CTR9: variants seen among roughly 807,000 people sequenced by gnomAD.
CTR9 encodes the protein RNA polymerase-associated protein CTR9 homolog.
CTR9 carries 41 observed loss-of-function variants against 152.1 expected under a neutral mutation model. That is an observed-to-expected ratio of 0.27 (90% CI 0.21 to 0.35). The LOEUF is 0.35. Among genes scored for constraint, CTR9 ranks in the 10% least tolerant of loss-of-function variants. CTR9 has a pLI of 1.00. For synonymous variants in CTR9, 476 were observed against 496.2 expected (o/e 0.96, Z 0.54); for missense variants, 917 against 1,424.4 (o/e 0.64, Z 5.73).
intron 1 of CTR9, 81 bp from the exon 2 acceptor site, chr11:10,752,591 A>G (rs1416479416): frequency 3.1e-6 from 3 of 973,930 alleles, no homozygotes; most frequent in East Asian, 4.8e-5. Flanking sequence ...ATGCATGTTG[A>G]TTATATTCAC....
chr11:10,751,794 TAC>T (rs1564963592), intron 1 of CTR9, among the ~76,000 whole-genome samples: 2 of 152,152 alleles, frequency 1.3e-5, no homozygotes, highest in African/African-American at 4.8e-5. Flanking sequence ...CCTCGCAGAT[TAC>T]AGAGGTGGGC....
At position 10,760,315 on chromosome 11, in the gene CTR9, T is replaced by C; in HGVS notation, c.735T>C (p.Asn245=). The change falls in exon 6 of 25, where the codon AAT becomes AAC. Residue 245 remains asparagine (N), a synonymous_variant. Transcript: ENST00000361367. ...GACTGGCTGTTCTAGAACTCAACAA[T>C]AAAGAGGTATGTAAATGAAAAAAGT... ...LVGLAVLELN[N]KEADSIKNGV... 6.2e-7 allele frequency: 1 copy of C among 1,612,724 alleles called. No individual in the cohort carries two copies. Among genetic ancestry groups the C allele is most frequent in the Non-Finnish European group, 8.5e-7 (1 of 1,179,134 alleles).
chr11:10,763,704 T>C lies in CTR9; in HGVS notation c.1019T>C (p.Phe340Ser). 6.2e-7 allele frequency: 1 copy of C among 1,614,134 alleles called. No homozygotes were observed. Among genetic ancestry groups the C allele is most frequent in the Non-Finnish European group, 8.5e-7 (1 of 1,180,018 alleles). The part of the protein sequence containing the change: ...YQATQFASSS[F>S]VLPFFGLGQM... ...GCCACACAGTTTGCCTCATCCTCTT[T>C]TGTGCTCCCATTTTTTGGTTTGGGA... The change falls in exon 9 of 25, where the codon TTT (phenylalanine) becomes TCT (serine). Residue 340 changes from phenylalanine (F) to serine (S), a missense_variant. Coordinates refer to ENST00000361367, the MANE Select transcript of CTR9 (RefSeq NM_014633.5).
At position 10,760,267 on chromosome 11, in the gene CTR9, C is replaced by T. The variant is rs765635542; in HGVS notation, c.687C>T (p.Ser229=). 3.1e-6 allele frequency: 5 copies of T among 1,613,916 alleles called. No homozygotes were observed. The East Asian group carries it at 1.1e-4, about 36-fold the overall frequency. Residue 229 remains serine (S), a synonymous_variant, in exon 6 of 25, where the codon TCC becomes TCT. Coordinates refer to ENST00000361367, the MANE Select transcript of CTR9 (RefSeq NM_014633.5). ...LAFSRALELN[S]KCVGALVGLA... is the part of the protein sequence containing the mutation. ...TCAGCAGAGCCCTGGAACTCAATTC[C>T]AAATGCGTGGGAGCATTGGTTGGAC... is the stretch of plus-strand genomic sequence containing the variant.
intron 12 of CTR9, 165 bp from the exon 13 acceptor site, chr11:10,766,237 C>T (rs1863057331): frequency 1.6e-6 from 1 of 606,092 alleles, no homozygotes; most frequent in Non-Finnish European, 2.8e-6. Flanking sequence ...CAAAATTATT[C>T]TTTAACTTGT....
intron 6 of CTR9, 137 bp downstream of exon 6, chr11:10,760,458 A>G: frequency 1.3e-6 from 1 of 768,948 alleles, no homozygotes; most frequent in Non-Finnish European, 2.0e-6. Flanking sequence ...TTTGTAATGT[A>G]TAACACCTAG....
intron 6 of CTR9, among the ~76,000 whole-genome samples, chr11:10,761,429 A>G (rs1239687558): frequency 6.6e-6 from 1 of 152,202 alleles, no homozygotes; most frequent in Non-Finnish European, 1.5e-5. Flanking sequence ...ACACGAAGAA[A>G]ACAGCTCGGA....
chr11:10,752,836 G>C, intron 2 of CTR9, 66 bp downstream of exon 2: 4 of 1,295,368 alleles, frequency 3.1e-6, no homozygotes, highest in Middle Eastern at 1.9e-4. Context: ...TCTGTTTTCA[G>C]ATATAGTAAT....
At chr11:10,755,845 C>A in intron 4 of CTR9, 50 bp downstream of exon 4, 1 of 1,083,050 alleles carries the variant, frequency 9.2e-7, no homozygotes, top group Non-Finnish European at 1.4e-6. Flanking sequence ...TCAGCATATG[C>A]CTAGAATATA....
intron 5 of CTR9, among the ~76,000 whole-genome samples, chr11:10,759,458 A>G (rs1862941051): frequency 6.6e-6 from 1 of 152,242 alleles, no homozygotes; most frequent in African/African-American, 2.4e-5. Context: ...ACTGGAGTGT[A>G]TTCAAGAGAA....
chr11:10,769,847 C>T (rs866486995), intron 16 of CTR9, among the ~76,000 whole-genome samples: 11 of 151,874 alleles, frequency 7.2e-5, no homozygotes, highest in Middle Eastern at 3.4e-3. Context: ...GATGGTAAAA[C>T]GCAAAGGACA....
intron 18 of CTR9, 48 bp from the exon 19 acceptor site, chr11:10,771,497 A>T (rs770829091): frequency 2.4e-5 from 32 of 1,352,242 alleles, no homozygotes; most frequent in Non-Finnish European, 3.2e-5. Context: ...GCTTTATTTC[A>T]TTAGAATCTC....
chr11:10,774,301 C>T, intron 22 of CTR9, 132 bp downstream of exon 22: 2 of 1,119,130 alleles, frequency 1.8e-6, no homozygotes, highest in Non-Finnish European at 2.5e-6. Flanking sequence ...GCCCCCACTT[C>T]CTACTTTAAT....
At chr11:10,754,306 A>G (rs186018432) in intron 2 of CTR9, among the ~76,000 whole-genome samples, 11 of 152,258 alleles carry the variant, frequency 7.2e-5, no homozygotes, top group Admixed American at 2.6e-4. Flanking sequence ...ATCTTTCACT[A>G]TTGTTTTCTC....
chr11:10,768,994 G>A (rs1325232912), intron 16 of CTR9, among the ~76,000 whole-genome samples: 3 of 149,912 alleles, frequency 2.0e-5, no homozygotes, highest in Non-Finnish European at 2.9e-5. Context: ...CGGCTGAGGC[G>A]GATGGATCAC....
chr11:10,768,874 T>A (rs1863099738), intron 16 of CTR9, among the ~76,000 whole-genome samples: 2 of 152,234 alleles, frequency 1.3e-5, no homozygotes, highest in Non-Finnish European at 2.9e-5. Context: ...GTGTATTCAG[T>A]TTCTGAAACT....
chr11:10,769,667 T>C (rs543628208), intron 16 of CTR9, among the ~76,000 whole-genome samples: 1 of 152,336 alleles, frequency 6.6e-6, no homozygotes, highest in African/African-American at 2.4e-5. Context: ...CCATTTTTCA[T>C]GAAAAAGGTC....
intron 6 of CTR9, 96 bp from the exon 7 acceptor site, chr11:10,761,851 G>T (rs1442541416): frequency 8.6e-6 from 6 of 697,046 alleles, no homozygotes; most frequent in Non-Finnish European, 1.4e-5. Flanking sequence ...CTGATCTTAG[G>T]ATTTATAACT....
In CTR9 at chr11:10,755,712, T is replaced by A. The variant is rs1365267478; in HGVS notation, c.419T>A (p.Leu140His). The A allele has an allele frequency of 1.2e-6, 2 of 1,613,358 alleles. No individual in the cohort carries two copies. Among genetic ancestry groups the A allele is most frequent in the Non-Finnish European group, 1.7e-6 (2 of 1,179,542 alleles). Residue 140 changes from leucine (L) to histidine (H), a missense_variant, in exon 4 of 25, where the codon CTT becomes CAT. By Grantham distance (99) the Leu-to-His change is moderately conservative (BLOSUM62 -3). Coordinates refer to ENST00000361367, the MANE Select transcript of CTR9 (RefSeq NM_014633.5). ...HLLGRACFCLLEGDKMDQADA... is the reference protein window; with the variant it reads ...HLLGRACFCLHEGDKMDQADA... Reference sequence around the variant, plus strand: ...TTGGGAAGAGCCTGCTTCTGCCTACTTGAGGGTGACAAAATGGATCAAGCT... The same window carrying A: ...TTGGGAAGAGCCTGCTTCTGCCTACATGAGGGTGACAAAATGGATCAAGCT...
Sources: allele counts gnomAD v4.1 joint callset (sites outside exome capture counted in the v4.1 genomes callset), GRCh38; gene constraint gnomAD v4.1.1; transcripts MANE v1.5; gene names NCBI Gene and HGNC (gene_info 2026-07-23, HGNC 2026-07-21).